PHLDB2: variants seen among roughly 807,000 people sequenced by gnomAD.
The protein encoded by PHLDB2 is pleckstrin homology-like domain family B member 2.
Under a neutral mutation model 123.6 loss-of-function variants are expected in PHLDB2, and 71 were observed. The ratio of observed to expected loss-of-function variants is 0.57; its 90% CI spans 0.47 to 0.70. The LOEUF is 0.70. Ranked by LOEUF, PHLDB2 falls within the 30% of genes least tolerant of loss-of-function variation. PHLDB2 has a pLI of 0.00. For missense variants in PHLDB2, 1,446 were observed against 1,519.5 expected (o/e 0.95, Z 0.80); for synonymous variants, 547 against 541.6 (o/e 1.01, Z -0.14).
At chr3:111,888,350 A>G (rs965079976) in intron 2 of PHLDB2, among the ~76,000 whole-genome samples, 1 of 151,590 alleles carries the variant, frequency 6.6e-6, no homozygotes, top group Non-Finnish European at 1.5e-5. Context: ...AGGAATAGAT[A>G]TCTTGGAAAT....
At chr3:111,925,082 G>A (rs1166003605) in intron 5 of PHLDB2, among the ~76,000 whole-genome samples, 1 of 152,118 alleles carries the variant, frequency 6.6e-6, no homozygotes, top group Non-Finnish European at 1.5e-5. Flanking sequence ...GCCTGCCTTG[G>A]CCTCCCAAAG....
chr3:111,785,929 G>A (rs1437331012), intron 1 of PHLDB2, among the ~76,000 whole-genome samples: 1 of 152,148 alleles, frequency 6.6e-6, no homozygotes, highest in African/African-American at 2.4e-5. Context: ...TAATTAGGAA[G>A]GATTGGCATG....
intron 13 of PHLDB2, 42 bp from the exon 14 acceptor site, chr3:111,966,571 G>A: frequency 7.0e-7 from 1 of 1,424,474 alleles, no homozygotes; most frequent in South Asian, 1.2e-5. Context: ...AGACTTCTCA[G>A]TCTAAACCAA....
At chr3:111,802,809 C>T (rs369468388) in intron 1 of PHLDB2, among the ~76,000 whole-genome samples, 2 of 152,192 alleles carry the variant, frequency 1.3e-5, no homozygotes, top group Non-Finnish European at 2.9e-5. Flanking sequence ...TCTCTTCTTC[C>T]TTACCATGAG....
chr3:111,861,095 A>T (rs1313510720), intron 1 of PHLDB2, among the ~76,000 whole-genome samples: 2 of 152,216 alleles, frequency 1.3e-5, no homozygotes, highest in African/African-American at 4.8e-5. Flanking sequence ...CCCTGTGAAC[A>T]CTTGAATTCT....
chr3:111,950,614 AT>A (rs896515344), intron 10 of PHLDB2, among the ~76,000 whole-genome samples: 1 of 152,130 alleles, frequency 6.6e-6, no homozygotes, highest in African/African-American at 2.4e-5. Context: ...CAAAAAAAAA[AT>A]TTGTTTTGAG....
chr3:111,746,883 C>A (rs1053530232), intron 1 of PHLDB2, among the ~76,000 whole-genome samples: 4 of 152,052 alleles, frequency 2.6e-5, no homozygotes, highest in Non-Finnish European at 5.9e-5. Context: ...AAAAAAGTAA[C>A]CTACAAGAAG....
At chr3:111,743,320 TCA>T (rs1365392137) in intron 1 of PHLDB2, among the ~76,000 whole-genome samples, 10 of 152,164 alleles carry the variant, frequency 6.6e-5, no homozygotes, top group Non-Finnish European at 2.9e-5. Context: ...TTGCCCTGAA[TCA>T]CAGTCTCTGC....
At chr3:111,896,189 G>A (rs1211089830) in intron 2 of PHLDB2, among the ~76,000 whole-genome samples, 1 of 152,082 alleles carries the variant, frequency 6.6e-6, no homozygotes, top group Non-Finnish European at 1.5e-5. Context: ...CTGGCCTCAA[G>A]TGATTTGCTC....
chr3:111,957,130 T>G (rs1001393909), intron 12 of PHLDB2: 3 of 152,676 alleles, frequency 2.0e-5, no homozygotes, highest in Admixed American at 2.0e-4. Flanking sequence ...GAAACTCAGC[T>G]TCTGAAGTTG....
chr3:111,733,739 A>T (rs1319039467), intron 1 of PHLDB2, among the ~76,000 whole-genome samples: 1 of 152,198 alleles, frequency 6.6e-6, no homozygotes, highest in Non-Finnish European at 1.5e-5. Flanking sequence ...ACACTCTAGA[A>T]ATATGTAATT....
At chr3:111,924,822 CA>C (rs1304193998) in intron 5 of PHLDB2, among the ~76,000 whole-genome samples, 1 of 152,258 alleles carries the variant, frequency 6.6e-6, no homozygotes, top group East Asian at 1.9e-4. Context: ...CCTCCCCATT[CA>C]AATCTTTTGT....
At chr3:111,935,539 A>G (rs1296553282) in intron 6 of PHLDB2, among the ~76,000 whole-genome samples, 1 of 149,158 alleles carries the variant, frequency 6.7e-6, no homozygotes, top group Non-Finnish European at 1.5e-5. Context: ...AGATAGATAG[A>G]TAGAAGGGGA....
intron 1 of PHLDB2, among the ~76,000 whole-genome samples, chr3:111,803,184 C>G (rs2061441288): frequency 6.6e-6 from 1 of 152,202 alleles, no homozygotes; most frequent in Admixed American, 6.5e-5. Context: ...TGGAAGAACA[C>G]AGCAAACAAA....
At chr3:111,929,287 T>C (rs2068979353) in intron 5 of PHLDB2, among the ~76,000 whole-genome samples, 1 of 152,170 alleles carries the variant, frequency 6.6e-6, no homozygotes, top group Admixed American at 6.5e-5. Flanking sequence ...TAATTCATTT[T>C]TTTTCCTGAA....
intron 1 of PHLDB2, among the ~76,000 whole-genome samples, chr3:111,822,207 T>C (rs540026691): frequency 3.3e-5 from 5 of 152,080 alleles, no homozygotes; most frequent in Non-Finnish European, 7.4e-5. Flanking sequence ...AGGTATTAGT[T>C]TCTCACATGT....
At chr3:111,929,367 G>T (rs1407411335) in intron 5 of PHLDB2, among the ~76,000 whole-genome samples, 2 of 152,038 alleles carry the variant, frequency 1.3e-5, no homozygotes, top group Non-Finnish European at 2.9e-5. Flanking sequence ...ATATTATTGT[G>T]CCTATTGCAG....
chr3:111,901,881 G>A lies in PHLDB2; in HGVS notation c.1336-11438G>A, dbSNP rs1261158716. 3.9e-5 allele frequency among the ~76,000 whole-genome samples: 6 copies of A among 152,076 alleles called. No individual in the cohort carries two copies. In the East Asian group the frequency reaches 7.7e-4, roughly 20 times the overall value. On this transcript the variant is annotated intron_variant, in intron 2 of 17. Transcript: ENST00000431670. Reference sequence around the variant, plus strand: ...TGCTGTATGGAAATTATGATGATACGGATCACATGAATTTCTTTGACTTAT... The same window carrying A: ...TGCTGTATGGAAATTATGATGATACAGATCACATGAATTTCTTTGACTTAT...
At chr3:111,748,673 C>T (rs533666786) in intron 1 of PHLDB2, among the ~76,000 whole-genome samples, 17 of 152,184 alleles carry the variant, frequency 1.1e-4, no homozygotes, top group African/African-American at 3.4e-4. Flanking sequence ...AGGCACACAC[C>T]ACCATACCCG....
Sources: allele counts gnomAD v4.1 joint callset (sites outside exome capture counted in the v4.1 genomes callset), GRCh38; gene constraint gnomAD v4.1.1; transcripts MANE v1.5; gene names NCBI Gene and HGNC (gene_info 2026-07-23, HGNC 2026-07-21).